Variants in CES1 observed in about 807,000 individuals in gnomAD.
CES1 encodes the protein carboxylesterase 1, also known as liver carboxylesterase 1.
A neutral mutation model predicts 53.0 loss-of-function variants in CES1; 50 were observed. That is an observed-to-expected ratio of 0.94 (90% confidence interval 0.75 to 1.19). CES1 has a LOEUF of 1.19. Ranked by LOEUF, CES1 falls within the 50% of genes most tolerant of loss-of-function variation. The pLI is 0.00. For missense variants in CES1, 534 were observed against 538.0 expected (o/e 0.99, Z 0.07); for synonymous variants, 202 against 210.1 (o/e 0.96, Z 0.33).
intron 2 of CES1, chr16:55,827,888 C>A (rs1374326799): frequency 1.3e-5 from 2 of 152,022 alleles, no homozygotes; most frequent in Non-Finnish European, 2.9e-5. Flanking sequence ...TAATACTTTA[C>A]CATCTAAAAT....
At chr16:55,812,241 T>A (rs1472068105) in intron 9 of CES1, 1 of 153,840 alleles carries the variant, frequency 6.5e-6, no homozygotes, top group Non-Finnish European at 1.4e-5. Context: ...CATTTATTTG[T>A]TTCCAACTTT....
intron 7 of CES1, among the ~76,000 whole-genome samples, chr16:55,817,238 G>A (rs1488237520): frequency 6.6e-6 from 1 of 152,136 alleles, no homozygotes; most frequent in Non-Finnish European, 1.5e-5. Context: ...CTAGAGTGCT[G>A]TTGTCTTTAA....
chr16:55,829,147 T>G lies in CES1; in HGVS notation c.53-173A>C, dbSNP rs183339319. On this transcript the variant is annotated intron_variant, in intron 1 of 13. Transcript: ENST00000360526. Reference sequence around the variant, plus strand: ...GACGATCAATGTCCTCCCTAACCCATTGAGCTGGTTTAATGGGCAAACTAG... The same window carrying G: ...GACGATCAATGTCCTCCCTAACCCAGTGAGCTGGTTTAATGGGCAAACTAG... Among the ~76,000 whole-genome samples the G allele has an allele frequency of 8.8e-4, 134 of 152,184 alleles. No individual in the cohort carries two copies. The East Asian group carries it at 0.024, about 27-fold the overall frequency.
At position 55,828,913 on chromosome 16, in the gene CES1, G is replaced by A. The variant is rs115210560; in HGVS notation, c.114C>T (p.Phe38=). The A allele has an allele frequency of 6.8e-5, 109 of 1,614,014 alleles. No individual in the cohort carries two copies. The highest frequency in any genetic ancestry group is 1.3e-4 in the African/African-American group (10 of 75,080). The change falls in exon 2 of 14, where the codon TTC becomes TTT. Residue 38 remains phenylalanine, a synonymous_variant. Transcript: ENST00000360526. The part of the protein sequence containing the change: ...DTVHGKVLGK[F]VSLEGFAQPV... ...GCTGTGCAAATCCTTCTAAGCTGAC[G>A]AACTTCCCCAGCACTTTGCCATGCA...
chr16:55,827,462 C>T (rs1324199500), intron 2 of CES1, among the ~76,000 whole-genome samples: 1 of 151,916 alleles, frequency 6.6e-6, no homozygotes, highest in Admixed American at 6.6e-5. Flanking sequence ...CAAGAGTCTG[C>T]CAAATGGAGA....
chr16:55,823,848 A>G (rs1435390734), intron 3 of CES1, among the ~76,000 whole-genome samples, 165 bp from the exon 4 acceptor site: 4 of 152,280 alleles, frequency 2.6e-5, no homozygotes, highest in Non-Finnish European at 5.9e-5. Context: ...TCTCCTGCAT[A>G]ATTCTCCCAA....
intron 11 of CES1, among the ~76,000 whole-genome samples, chr16:55,809,309 G>C (rs1249532540): frequency 2.0e-5 from 3 of 152,174 alleles, no homozygotes; most frequent in Non-Finnish European, 4.4e-5. Context: ...AGAAATGAGG[G>C]TTATGAGCAC....
chr16:55,810,586 G>T lies in CES1; in HGVS notation c.1249C>A (p.Leu417Met). 1 of 1,614,150 alleles carries T rather than the reference G, an allele frequency of 6.2e-7. No homozygotes were observed. The highest frequency in any genetic ancestry group is 1.3e-5 in the African/African-American group (1 of 75,006). ...GTDDTVKKKDLFLDLIADVMF... is the reference protein window; with the variant it reads ...GTDDTVKKKDMFLDLIADVMF... The stretch of plus-strand genomic sequence containing the variant: ...ACATCTGCTATCAAGTCCAGGAACA[G>T]GTCTTTCTTTTTGACAGTGTCGTCT... The change falls in exon 11 of 14, where the codon CTG becomes ATG. Residue 417 changes from leucine (L) to methionine (M), a missense_variant. Coordinates refer to ENST00000360526, the MANE Select transcript of CES1 (RefSeq NM_001025195.2).
chr16:55,809,980 A>G (rs1443114085), intron 11 of CES1, among the ~76,000 whole-genome samples: 2 of 152,198 alleles, frequency 1.3e-5, no homozygotes, highest in Non-Finnish European at 2.9e-5. Context: ...CACCTCCAGC[A>G]TCTGCAGCTC....
chr16:55,828,437 T>C (rs1473608419), intron 2 of CES1, among the ~76,000 whole-genome samples: 1 of 152,206 alleles, frequency 6.6e-6, no homozygotes, highest in Non-Finnish European at 1.5e-5. Flanking sequence ...CTTTTCCTGT[T>C]CTATCATATC....
Position 55,811,704 on chromosome 16 carries a change from G to A in CES1, c.1087-694C>T, listed in dbSNP as rs1247402030. 1.1e-4 allele frequency among the ~76,000 whole-genome samples: 17 copies of A among 152,242 alleles called. No individual in the cohort carries two copies. In the South Asian group the frequency reaches 1.2e-3, roughly 11 times the overall value. On this transcript the variant is annotated intron_variant, in intron 9 of 13. Transcript: ENST00000360526. ...CCTGGAGACAAGCAGCCAGGTCCCC[G>A]AACCCAACTAGAGCAGTTACTTTAG...
At chr16:55,814,177 T>A (rs2031830912) in intron 8 of CES1, among the ~76,000 whole-genome samples, 1 of 152,232 alleles carries the variant, frequency 6.6e-6, no homozygotes, top group African/African-American at 2.4e-5. Context: ...TAGGACATGA[T>A]TCCCTACTAG....
At chr16:55,816,097 T>C (rs1331674697) in intron 8 of CES1, among the ~76,000 whole-genome samples, 1 of 152,278 alleles carries the variant, frequency 6.6e-6, no homozygotes, top group Non-Finnish European at 1.5e-5. Context: ...CACCTTCTCA[T>C]TGAACCATTC....
At chr16:55,810,305 T>C (rs183949956) in intron 11 of CES1, among the ~76,000 whole-genome samples, 34 of 152,128 alleles carry the variant, frequency 2.2e-4, no homozygotes, top group Admixed American at 2.1e-3. Context: ...ATCATCACCT[T>C]AAAAAAACCA....
At chr16:55,820,020 C>A (rs543132551) in intron 6 of CES1, 1 of 550,226 alleles carries the variant, frequency 1.8e-6, no homozygotes, top group East Asian at 3.1e-5. Flanking sequence ...CAGAGAGACA[C>A]AAGACACCAT....
At chr16:55,821,267 A>G (rs2032177987) in intron 5 of CES1, 101 bp downstream of exon 5, 11 of 1,448,108 alleles carry the variant, frequency 7.6e-6, no homozygotes, top group Non-Finnish European at 1.1e-5. Context: ...GAATTCAGGT[A>G]TTGTAATCAG....
chr16:55,810,709 C>A (rs557563867), intron 10 of CES1, 45 bp from the exon 11 acceptor site: 2 of 1,603,974 alleles, frequency 1.2e-6, no homozygotes, highest in Non-Finnish European at 1.7e-6. Context: ...GTGAGCGATG[C>A]AGCTTCTCCA....
At position 55,819,698 on chromosome 16, in the gene CES1, G is replaced by A; in HGVS notation, c.802-59C>T. On this transcript the variant is annotated intron_variant, in intron 6 of 13. Coordinates refer to ENST00000360526, the MANE Select transcript of CES1 (RefSeq NM_001025195.2). Reference sequence around the variant, plus strand: ...AGCGACATCCCTTCCCTCCATCAAAGAGGAAAGTGGCATTCTATCCCAAGC... The same window carrying A: ...AGCGACATCCCTTCCCTCCATCAAAAAGGAAAGTGGCATTCTATCCCAAGC... 6 of 1,402,830 alleles carry A rather than the reference G, an allele frequency of 4.3e-6. No individual in the cohort carries two copies. In the South Asian group the frequency reaches 4.6e-5, roughly 11 times the overall value. 86.9% of individuals were successfully genotyped at this position (1,402,830 alleles called of 1,614,324 possible). A position where few individuals can be genotyped will look rare whatever the true frequency, so the allele number is the denominator to read the frequency against.
intron 2 of CES1, 69 bp downstream of exon 2, chr16:55,828,698 G>A: frequency 6.3e-7 from 1 of 1,579,488 alleles, no homozygotes; most frequent in Non-Finnish European, 8.7e-7. Context: ...AGCCCGTCAG[G>A]GGACTGCCTT....
Sources: gnomAD v4.1 joint callset for allele counts (sites outside exome capture counted in the v4.1 genomes callset) on GRCh38, gnomAD v4.1.1 for gene constraint, MANE v1.5 for transcripts, NCBI Gene and HGNC (gene_info 2026-07-23, HGNC 2026-07-21) for gene names.